Variants in PRDM16 observed in about 807,000 individuals in gnomAD.
The protein encoded by PRDM16 is PR/SET domain 16.
Under a neutral mutation model 110.6 loss-of-function variants are expected in PRDM16, and 23 were observed. That is an observed-to-expected ratio of 0.21 (90% confidence interval 0.15 to 0.29). The LOEUF (loss-of-function observed/expected upper bound fraction) is 0.29, where lower values mean the gene tolerates loss of function less well. PRDM16 is among the 10% of genes least tolerant of loss of function. PRDM16 has a pLI of 1.00. For missense variants in PRDM16, 1,615 were observed against 1,794.3 expected, an observed-to-expected ratio of 0.90 and a Z score of 1.81; for synonymous variants, 799 against 781.8, an observed-to-expected ratio of 1.02 and a Z score of -0.37.
chr1:3,134,859 G>A (rs564163510), intron 1 of PRDM16, among the ~76,000 whole-genome samples: 6 of 152,340 alleles, frequency 3.9e-5, no homozygotes, highest in East Asian at 1.9e-4. Flanking sequence ...ACCCGAACCC[G>A]CGTGGGACAC....
chr1:3,088,289 A>T (rs182311003), intron 1 of PRDM16, among the ~76,000 whole-genome samples: 51 of 151,924 alleles, frequency 3.4e-4, no homozygotes, highest in African/African-American at 1.2e-3. Context: ...AAAGCAATAA[A>T]AATAATAATA....
At chr1:3,402,763 C>T (rs1643494182) in intron 5 of PRDM16, 28 bp from the exon 6 acceptor site, 1 of 1,595,004 alleles carries the variant, frequency 6.3e-7, no homozygotes, top group Non-Finnish European at 8.6e-7. Context: ...CCAGCTCACT[C>T]ACCACCACCT....
chr1:3,185,123 G>C (rs1189045412), intron 1 of PRDM16, among the ~76,000 whole-genome samples: 1 of 152,158 alleles, frequency 6.6e-6, no homozygotes, highest in Non-Finnish European at 1.5e-5. Context: ...GGCTGCACTG[G>C]GTGGAGGGCT....
At position 3,348,554 on chromosome 1, in the gene PRDM16, C is replaced by T. The variant is rs148323794; in HGVS notation, c.439-36598C>T. 5.8e-4 allele frequency among the ~76,000 whole-genome samples: 88 copies of T among 152,346 alleles called. No individual in the cohort carries two copies. The East Asian group carries it at 0.016, about 27-fold the overall frequency. ...AATGGGCAGGGACAGTGGGGAGGGA[C>T]ATGCACGCTTCTTAAAGAGGCCCTC... On this transcript the variant is annotated intron_variant, in intron 3 of 16. Transcript: ENST00000270722.
intron 1 of PRDM16, among the ~76,000 whole-genome samples, chr1:3,082,514 T>C (rs1642053374): frequency 1.3e-5 from 2 of 152,170 alleles, no homozygotes; most frequent in Admixed American, 1.3e-4. Context: ...TGTTCAGAGA[T>C]GGGGTTCCGG....
intron 1 of PRDM16, among the ~76,000 whole-genome samples, chr1:3,154,205 C>T (rs1643823675): frequency 6.6e-6 from 1 of 152,112 alleles, no homozygotes; most frequent in African/African-American, 2.4e-5. Flanking sequence ...TTAGGATCTG[C>T]CATGGAGATC....
chr1:3,415,502 G>A (rs893706953), intron 10 of PRDM16, among the ~76,000 whole-genome samples: 11 of 152,390 alleles, frequency 7.2e-5, no homozygotes, highest in South Asian at 2.1e-4. Flanking sequence ...TAAACTTAGC[G>A]CCTCCCATTG....
At chr1:3,352,844 CG>C (rs1275208670) in intron 3 of PRDM16, among the ~76,000 whole-genome samples, 2 of 152,186 alleles carry the variant, frequency 1.3e-5, no homozygotes, top group African/African-American at 4.8e-5. Flanking sequence ...GGCCTCTGCC[CG>C]GTGTCAGGAA....
At chr1:3,392,037 G>A (rs918013147) in intron 4 of PRDM16, among the ~76,000 whole-genome samples, 21 of 152,226 alleles carry the variant, frequency 1.4e-4, no homozygotes, top group African/African-American at 3.9e-4. Context: ...AAATGAAGCC[G>A]GGAGCAGCAC....
At chr1:3,107,868 A>G (rs1642702355) in intron 1 of PRDM16, among the ~76,000 whole-genome samples, 1 of 152,228 alleles carries the variant, frequency 6.6e-6, no homozygotes, top group South Asian at 2.1e-4. Context: ...CTCAATGACC[A>G]TGCCATGTGT....
intron 2 of PRDM16, among the ~76,000 whole-genome samples, chr1:3,191,527 GAGA>G (rs1326418088): frequency 6.6e-6 from 1 of 152,216 alleles, no homozygotes; most frequent in Non-Finnish European, 1.5e-5. Context: ...CCTGCACTCT[GAGA>G]AGATGAGAAA....
intron 3 of PRDM16, among the ~76,000 whole-genome samples, chr1:3,377,144 C>G (rs566136048): frequency 6.6e-6 from 1 of 152,350 alleles, no homozygotes; most frequent in Admixed American, 6.5e-5. Flanking sequence ...GCTCATGGGT[C>G]CTTAAAGAAG....
chr1:3,380,086 C>T (rs1237722644), intron 3 of PRDM16, among the ~76,000 whole-genome samples: 9 of 142,138 alleles, frequency 6.3e-5, no homozygotes, highest in Admixed American at 2.1e-4. Flanking sequence ...CCCCTCCTGG[C>T]GCACCCCCTC....
chr1:3,381,874 CAGAG>C (rs1643108138), intron 3 of PRDM16, among the ~76,000 whole-genome samples: 1 of 152,330 alleles, frequency 6.6e-6, no homozygotes, highest in African/African-American at 2.4e-5. Flanking sequence ...GCAGGGGAGA[CAGAG>C]AGGAAGAACC....
intron 3 of PRDM16, among the ~76,000 whole-genome samples, chr1:3,277,124 C>T (rs12730253): frequency 6.6e-6 from 1 of 152,206 alleles, no homozygotes; most frequent in African/African-American, 2.4e-5. Context: ...CCTGTGGTCT[C>T]TGCACAATGA....
At chr1:3,346,429 G>A (rs1295410167) in intron 3 of PRDM16, among the ~76,000 whole-genome samples, 3 of 152,176 alleles carry the variant, frequency 2.0e-5, no homozygotes, top group African/African-American at 7.2e-5. Flanking sequence ...TCAAAGCACA[G>A]GGCGGAACAC....
intron 3 of PRDM16, among the ~76,000 whole-genome samples, chr1:3,302,185 G>A (rs1037511556): frequency 7.2e-5 from 11 of 152,088 alleles, no homozygotes; most frequent in Non-Finnish European, 1.5e-4. Context: ...TATTCTACAT[G>A]TGGTTCTGCT....
chr1:3,313,754 C>T (rs992337805), intron 3 of PRDM16, among the ~76,000 whole-genome samples: 1 of 152,168 alleles, frequency 6.6e-6, no homozygotes, highest in Non-Finnish European at 1.5e-5. Context: ...CTGGGATTTG[C>T]GAATGTGTGA....
At chr1:3,181,016 AAATG>A (rs1644152112) in intron 1 of PRDM16, among the ~76,000 whole-genome samples, 1 of 146,366 alleles carries the variant, frequency 6.8e-6, no homozygotes, top group Non-Finnish European at 1.5e-5. Flanking sequence ...GCGGTCTTAC[AAATG>A]CGGTCTTACA....
Sources: gnomAD v4.1 joint callset for allele counts (sites outside exome capture counted in the v4.1 genomes callset) on GRCh38, gnomAD v4.1.1 for gene constraint, MANE v1.5 for transcripts, NCBI Gene and HGNC (gene_info 2026-07-23, HGNC 2026-07-21) for gene names.